Variants in HYCC2 observed in about 807,000 individuals in gnomAD.
HYCC2 encodes the protein hyccin PI4KA lipid kinase complex subunit 2.
chr2:201,068,661 T>G, the HYCC2 span, among the ~76,000 whole-genome samples: 1 of 152,170 alleles, frequency 6.6e-6, no homozygotes, highest in Non-Finnish European at 1.5e-5. Context: ...ATTCTTAAAT[T>G]AGGTCCAAAC....
At chr2:200,998,170 G>T in the HYCC2 span, among the ~76,000 whole-genome samples, 1 of 152,032 alleles carries the variant, frequency 6.6e-6, no homozygotes, top group Non-Finnish European at 1.5e-5. Flanking sequence ...CTTCTTACAA[G>T]GTACTTTAAA....
chr2:201,050,875 C>T, the HYCC2 span, among the ~76,000 whole-genome samples: 3 of 152,090 alleles, frequency 2.0e-5, no homozygotes, highest in Non-Finnish European at 4.4e-5. Flanking sequence ...GCGGAGGTTG[C>T]AGTGAGCTGA....
chr2:201,025,363 C>T, the HYCC2 span, among the ~76,000 whole-genome samples: 1 of 151,572 alleles, frequency 6.6e-6, no homozygotes, highest in African/African-American at 2.4e-5. Context: ...ATAAACAAAT[C>T]CAGATGTACA....
chr2:200,982,883 G>A, the HYCC2 span, among the ~76,000 whole-genome samples: 1,169 of 152,042 alleles, frequency 7.7e-3, 18 homozygotes, highest in African/African-American at 0.027. Context: ...TCAGCCTCCC[G>A]AGTAGCTGGG....
the HYCC2 span, chr2:200,992,834 A>G: frequency 9.2e-7 from 1 of 1,090,384 alleles, no homozygotes. Context: ...GAAATATTCA[A>G]AGTTTCTAAA....
the HYCC2 span, among the ~76,000 whole-genome samples, chr2:200,998,669 A>T: frequency 6.6e-6 from 1 of 152,196 alleles, no homozygotes; most frequent in Admixed American, 6.5e-5. Flanking sequence ...AGTGGCTCCT[A>T]AATCTGGATG....
the HYCC2 span, among the ~76,000 whole-genome samples, chr2:201,038,001 A>G: frequency 6.6e-5 from 10 of 152,218 alleles, no homozygotes; most frequent in African/African-American, 2.4e-4. Flanking sequence ...CATCTGACAA[A>G]GGGCTAATAT....
the HYCC2 span, chr2:201,022,383 TACTA>T: frequency 1.8e-5 from 5 of 281,412 alleles, no homozygotes; most frequent in African/African-American, 1.1e-4. Context: ...AGGCTAAATT[TACTA>T]GCAGCATCAT....
the HYCC2 span, among the ~76,000 whole-genome samples, chr2:201,021,066 A>C: frequency 3.3e-5 from 5 of 152,186 alleles, 1 homozygote; most frequent in African/African-American, 1.2e-4. Flanking sequence ...TGCGCCGGCA[A>C]CTATTTTAAG....
the HYCC2 span, chr2:201,022,007 G>A: frequency 6.3e-6 from 7 of 1,119,716 alleles, no homozygotes; most frequent in African/African-American, 4.8e-5. Context: ...TTAGTGGTAG[G>A]ACAAAAATGA....
At chr2:200,987,597 C>T in the HYCC2 span, 2 of 1,214,558 alleles carry the variant, frequency 1.6e-6, no homozygotes, top group South Asian at 1.3e-5. Context: ...AGCATTTTGA[C>T]CCAGGCAGAT....
chr2:200,977,214 A>C, the HYCC2 span: 2 of 152,204 alleles, frequency 1.3e-5, no homozygotes, highest in Non-Finnish European at 2.9e-5. Context: ...GTATTCACCA[A>C]CTACTAGACC....
the HYCC2 span, among the ~76,000 whole-genome samples, chr2:201,042,922 G>A: frequency 2.6e-5 from 4 of 152,106 alleles, no homozygotes; most frequent in South Asian, 2.1e-4. Context: ...CCGCCACCCC[G>A]TCTGGGAGGT....
the HYCC2 span, among the ~76,000 whole-genome samples, chr2:201,030,192 T>C: frequency 1.3e-5 from 2 of 152,208 alleles, no homozygotes; most frequent in Admixed American, 1.3e-4. Context: ...CTTATCTCTA[T>C]TGCTGGATAT....
At chr2:200,981,632 G>A in the HYCC2 span, 1 of 1,614,200 alleles carries the variant, frequency 6.2e-7, no homozygotes, top group Non-Finnish European at 8.5e-7. This position sits in a 1 kb window ranked among gnomAD's most constrained non-coding sequence, Gnocchi z 4.5. Flanking sequence ...TCAGTTGGTT[G>A]CTGTACATAC....
the HYCC2 span, among the ~76,000 whole-genome samples, chr2:201,069,592 A>G: frequency 6.8e-6 from 1 of 147,976 alleles, no homozygotes; most frequent in Non-Finnish European, 1.5e-5. Context: ...ACACACACGC[A>G]TAAAAGCAAC....
At chr2:201,017,938 T>C in the HYCC2 span, among the ~76,000 whole-genome samples, 1,108 of 152,272 alleles carry the variant, frequency 7.3e-3, 46 homozygotes, top group Admixed American at 0.065. Flanking sequence ...TACCACTCAG[T>C]AGAAGAAGGG....
At chr2:201,022,896 T>C in the HYCC2 span, 1 of 1,613,786 alleles carries the variant, frequency 6.2e-7, no homozygotes, top group Admixed American at 1.7e-5. Flanking sequence ...CGGTGTAAAG[T>C]TGCTGCATAA....
At chr2:201,049,632 C>T in the HYCC2 span, among the ~76,000 whole-genome samples, 2 of 151,996 alleles carry the variant, frequency 1.3e-5, no homozygotes, top group South Asian at 2.1e-4. Flanking sequence ...AGATTACAGG[C>T]GTAAGCCACC....
Sources: allele counts gnomAD v4.1 joint callset (sites outside exome capture counted in the v4.1 genomes callset), GRCh38; gene constraint gnomAD v4.1.1; non-coding constraint Gnocchi (gnomAD v3.1); transcripts MANE v1.5; gene names NCBI Gene and HGNC (gene_info 2026-07-23, HGNC 2026-07-21).